The following GRIK2 variants were observed in gnomAD, a reference collection of about 807,000 sequenced individuals.
GRIK2 encodes glutamate receptor ionotropic, kainate 2.
A neutral mutation model predicts 100.3 loss-of-function variants in GRIK2; 32 were observed. The ratio of observed to expected loss-of-function variants is 0.32; its 90% CI spans 0.24 to 0.43. GRIK2 has a LOEUF of 0.43. Ranked by LOEUF, GRIK2 falls within the 20% of genes least tolerant of loss-of-function variation. The pLI, the probability that GRIK2 is intolerant of heterozygous loss-of-function variation, is 1.00. For synonymous variants in GRIK2, 417 were observed against 389.4 expected (o/e 1.07, Z -0.83); for missense variants, 843 against 1,114.9 (o/e 0.76, Z 3.47).
chr6:101,776,834 C>A (rs1342933871), intron 7 of GRIK2, among the ~76,000 whole-genome samples: 1 of 152,136 alleles, frequency 6.6e-6, no homozygotes, highest in East Asian at 1.9e-4. Flanking sequence ...TGCTCCTTTG[C>A]CATCTAGAAC....
At chr6:102,053,745 C>T (rs1771326619) in intron 15 of GRIK2, among the ~76,000 whole-genome samples, 1 of 151,986 alleles carries the variant, frequency 6.6e-6, no homozygotes, top group Admixed American at 6.6e-5. Flanking sequence ...ACTGATTGGA[C>T]AGACAGACAG....
At chr6:102,062,130 GGTAACTGTTTCTGTTAGA>G (rs1771784026) in intron 16 of GRIK2, among the ~76,000 whole-genome samples, 1 of 149,814 alleles carries the variant, frequency 6.7e-6, no homozygotes, top group South Asian at 2.1e-4. Flanking sequence ...GAGGATATTG[GGTAACTGTTTCTGTTAGA>G]GTAAAGGTTT....
At chr6:102,026,624 T>G (rs1438619883) in intron 14 of GRIK2, among the ~76,000 whole-genome samples, 1 of 151,242 alleles carries the variant, frequency 6.6e-6, no homozygotes, top group Non-Finnish European at 1.5e-5. Context: ...AGGATAACTG[T>G]CTTTAACTGC....
At chr6:102,015,071 T>A (rs530209466) in intron 14 of GRIK2, among the ~76,000 whole-genome samples, 2 of 152,302 alleles carry the variant, frequency 1.3e-5, no homozygotes, top group Non-Finnish European at 2.9e-5. Flanking sequence ...TTTGTGGGAA[T>A]CTAAGTCTCT....
At chr6:101,407,716 T>C (rs1309066311) in intron 2 of GRIK2, among the ~76,000 whole-genome samples, 1 of 152,152 alleles carries the variant, frequency 6.6e-6, no homozygotes, top group African/African-American at 2.4e-5. Flanking sequence ...AGTGAGCACA[T>C]ATTATGTGGC....
chr6:101,837,519 A>G (rs189857077), intron 10 of GRIK2, among the ~76,000 whole-genome samples: 393 of 152,332 alleles, frequency 2.6e-3, no homozygotes, highest in African/African-American at 7.7e-3. Context: ...AAATATATGC[A>G]GTTTTTATCT....
intron 11 of GRIK2, among the ~76,000 whole-genome samples, chr6:101,867,007 A>G (rs1214532067): frequency 6.6e-6 from 1 of 151,430 alleles, no homozygotes; most frequent in Non-Finnish European, 1.5e-5. Context: ...GATGTTTGTG[A>G]TTTGTTGGAA....
At chr6:101,930,069 C>T (rs1274355222) in intron 14 of GRIK2, among the ~76,000 whole-genome samples, 1 of 152,010 alleles carries the variant, frequency 6.6e-6, no homozygotes, top group Non-Finnish European at 1.5e-5. Context: ...AGGCCAGGCA[C>T]GTTGGCTCGT....
At chr6:101,806,254 C>G (rs1385475208) in intron 9 of GRIK2, among the ~76,000 whole-genome samples, 11 of 152,036 alleles carry the variant, frequency 7.2e-5, no homozygotes. Context: ...AAAAGGAAAA[C>G]AGAATAAGTG....
chr6:101,460,908 T>C (rs1177102253), intron 2 of GRIK2, among the ~76,000 whole-genome samples: 2 of 152,204 alleles, frequency 1.3e-5, no homozygotes, highest in Admixed American at 1.3e-4. Context: ...ATGAAATTTA[T>C]GTAGGTGGTC....
At chr6:101,795,925 A>G (rs902783014) in intron 7 of GRIK2, among the ~76,000 whole-genome samples, 2 of 152,196 alleles carry the variant, frequency 1.3e-5, no homozygotes, top group African/African-American at 4.8e-5. Flanking sequence ...AGTTTTCTAT[A>G]ATCTCTACCT....
Position 102,045,154 on chromosome 6 carries a change from A to G in GRIK2, c.2311+9588A>G, listed in dbSNP as rs955587486. Among the ~76,000 whole-genome samples the G allele has an allele frequency of 4.6e-5, 7 of 152,170 alleles. No individual in the cohort carries two copies. In the East Asian group the frequency reaches 1.4e-3, roughly 30 times the overall value. ...GTATATAATGGTGAACAATATAACC[A>G]TGACCCCTGCCCTGCTAGAGTTCTC... On this transcript the variant is annotated intron_variant, in intron 15 of 16. Transcript: ENST00000369134.
chr6:102,061,642 A>T (rs1771757924), intron 16 of GRIK2, among the ~76,000 whole-genome samples: 2 of 150,568 alleles, frequency 1.3e-5, no homozygotes, highest in South Asian at 4.1e-4. Flanking sequence ...ACCTTAGATA[A>T]AATTACTTAG....
chr6:101,536,840 A>G (rs1025753948), intron 2 of GRIK2, among the ~76,000 whole-genome samples: 2 of 151,688 alleles, frequency 1.3e-5, no homozygotes, highest in African/African-American at 2.4e-5. Context: ...CAAAAGGTCA[A>G]ATTTATTCTA....
At chr6:101,478,021 G>GT (rs1254205679) in intron 2 of GRIK2, among the ~76,000 whole-genome samples, 1 of 152,084 alleles carries the variant, frequency 6.6e-6, no homozygotes, top group African/African-American at 2.4e-5. Flanking sequence ...GGCTCAGTGA[G>GT]TATCTTTGAG....
chr6:101,650,905 A>G (rs1264305145), intron 4 of GRIK2, among the ~76,000 whole-genome samples: 1 of 152,042 alleles, frequency 6.6e-6, no homozygotes, highest in Non-Finnish European at 1.5e-5. Context: ...TATGCATTAA[A>G]CAAAAGACCC....
intron 4 of GRIK2, among the ~76,000 whole-genome samples, chr6:101,628,498 C>A (rs189732587): frequency 2.0e-3 from 305 of 152,134 alleles, no homozygotes; most frequent in Non-Finnish European, 3.3e-3. Context: ...CTTCCTAAAT[C>A]ATTACTTCTT....
chr6:101,421,969 T>A (rs1418578966), intron 2 of GRIK2, among the ~76,000 whole-genome samples: 1 of 152,208 alleles, frequency 6.6e-6, no homozygotes, highest in African/African-American at 2.4e-5. Flanking sequence ...TTGTGACAAT[T>A]TACCTTTTAA....
At chr6:101,771,291 A>C (rs1778387397) in intron 7 of GRIK2, among the ~76,000 whole-genome samples, 1 of 151,948 alleles carries the variant, frequency 6.6e-6, no homozygotes, top group Admixed American at 6.5e-5. Context: ...TTTATAGACA[A>C]AAAGTACAAA....
Sources: gnomAD v4.1 joint callset for allele counts (sites outside exome capture counted in the v4.1 genomes callset) on GRCh38, gnomAD v4.1.1 for gene constraint, MANE v1.5 for transcripts, NCBI Gene and HGNC (gene_info 2026-07-23, HGNC 2026-07-21) for gene names.